Variants in MGLL observed in about 807,000 individuals in gnomAD.
MGLL encodes the protein monoglyceride lipase.
Under a neutral mutation model 29.1 loss-of-function variants are expected in MGLL, and 7 were observed. The ratio of observed to expected loss-of-function variants is 0.24; its 90% CI spans 0.14 to 0.45. MGLL has a LOEUF of 0.45. Ranked by LOEUF, MGLL falls within the 20% of genes least tolerant of loss-of-function variation. MGLL has a pLI of 0.99. For synonymous variants in MGLL, 148 were observed against 168.3 expected, an observed-to-expected ratio of 0.88 and a Z score of 0.93; for missense variants, 356 against 413.6, an observed-to-expected ratio of 0.86 and a Z score of 1.21.
chr3:127,757,945 C>T (rs148251684), intron 3 of MGLL, among the ~76,000 whole-genome samples: 53 of 152,318 alleles, frequency 3.5e-4, no homozygotes, highest in African/African-American at 1.1e-3. Flanking sequence ...CAAATCTGTA[C>T]GGGAGCTGCC....
At chr3:127,798,556 C>T (rs1271436192) in intron 2 of MGLL, among the ~76,000 whole-genome samples, 3 of 152,160 alleles carry the variant, frequency 2.0e-5, no homozygotes, top group Non-Finnish European at 4.4e-5. Context: ...TTGTTCTTTC[C>T]ATTCCCTCTG....
At position 127,748,293 on chromosome 3, in the gene MGLL, GGGTT is replaced by G. The variant is rs1227820460; in HGVS notation, c.263-25731_263-25728del. ...TTAAATCCGAGTCATTCTCAACTGA[GGGTT>G]ACGCATCGCAGTCTGTTGACATTGT... On this transcript the variant is annotated intron_variant, in intron 3 of 7. Transcript: ENST00000265052. Among the ~76,000 whole-genome samples, 7 of 152,130 alleles carry G rather than the reference GGGTT, an allele frequency of 4.6e-5. No individual in the cohort carries two copies. In the East Asian group the frequency reaches 1.4e-3, roughly 29 times the overall value.
intron 3 of MGLL, among the ~76,000 whole-genome samples, chr3:127,748,666 G>A (rs1489241558): frequency 2.0e-5 from 3 of 151,804 alleles, no homozygotes; most frequent in African/African-American, 7.3e-5. Flanking sequence ...CAAGGAGAGA[G>A]GCCTCAGAAG....
intron 2 of MGLL, among the ~76,000 whole-genome samples, chr3:127,819,947 G>T (rs1217999694): frequency 1.3e-5 from 2 of 152,148 alleles, no homozygotes; most frequent in Admixed American, 6.5e-5. Context: ...GGGGCTGGAG[G>T]CAGGGCAGGA....
At chr3:127,773,020 T>A (rs111413679) in intron 3 of MGLL, among the ~76,000 whole-genome samples, 4,221 of 152,288 alleles carry the variant, frequency 0.028, 198 homozygotes, top group African/African-American at 0.095. Context: ...GTCTAGAGTG[T>A]TCTGTTACAG....
chr3:127,812,718 G>A (rs2077685690), intron 2 of MGLL, among the ~76,000 whole-genome samples: 1 of 152,172 alleles, frequency 6.6e-6, no homozygotes, highest in Non-Finnish European at 1.5e-5. Flanking sequence ...GAGAGTTCAC[G>A]TTGACCCCTC....
At chr3:127,764,072 C>T (rs1000742658) in intron 3 of MGLL, among the ~76,000 whole-genome samples, 2 of 152,242 alleles carry the variant, frequency 1.3e-5, no homozygotes, top group South Asian at 2.1e-4. Context: ...ATCACATGGC[C>T]TCTCTGGGTG....
intron 2 of MGLL, among the ~76,000 whole-genome samples, chr3:127,817,629 C>G (rs1286795523): frequency 2.0e-5 from 3 of 152,204 alleles, no homozygotes; most frequent in Non-Finnish European, 4.4e-5. Context: ...ATAATTACAG[C>G]CTGCTCTCCA....
intron 2 of MGLL, among the ~76,000 whole-genome samples, chr3:127,810,568 G>C (rs1477396365): frequency 6.6e-6 from 1 of 152,170 alleles, no homozygotes; most frequent in Non-Finnish European, 1.5e-5. Context: ...GCCTTCACAA[G>C]ACAACATCCA....
chr3:127,765,359 G>A (rs966363183), intron 3 of MGLL, among the ~76,000 whole-genome samples: 3 of 152,188 alleles, frequency 2.0e-5, no homozygotes, highest in Admixed American at 1.3e-4. Context: ...GAATGACTAC[G>A]CCTTTGGGGT....
At chr3:127,705,730 C>T (rs1443409834) in intron 6 of MGLL, among the ~76,000 whole-genome samples, 2 of 149,832 alleles carry the variant, frequency 1.3e-5, no homozygotes, top group Non-Finnish European at 3.0e-5. Context: ...AAGCCAAGAT[C>T]GCGCCACTGC....
chr3:127,721,864 G>C (rs924381741), intron 4 of MGLL, among the ~76,000 whole-genome samples: 3 of 66,892 alleles, frequency 4.5e-5, no homozygotes, highest in African/African-American at 9.8e-5. Context: ...AGCCTGCTTT[G>C]TCTGTAGGTA....
chr3:127,806,272 G>A (rs1432214761), intron 2 of MGLL, among the ~76,000 whole-genome samples: 1 of 152,248 alleles, frequency 6.6e-6, no homozygotes, highest in Non-Finnish European at 1.5e-5. Context: ...TTGGAAGGCA[G>A]GGACCATGGG....
At chr3:127,703,216 C>T (rs1477756644) in intron 6 of MGLL, among the ~76,000 whole-genome samples, 1 of 152,170 alleles carries the variant, frequency 6.6e-6, no homozygotes, top group Non-Finnish European at 1.5e-5. Context: ...GCTCTGAACA[C>T]AGAAGTGCTC....
chr3:127,766,872 A>G (rs1463895935), intron 3 of MGLL, among the ~76,000 whole-genome samples: 1 of 152,154 alleles, frequency 6.6e-6, no homozygotes, highest in South Asian at 2.1e-4. Context: ...GGAGTTCAAG[A>G]CCAGCCTGGC....
intron 3 of MGLL, among the ~76,000 whole-genome samples, chr3:127,730,904 C>A (rs985831908): frequency 1.3e-5 from 2 of 152,224 alleles, no homozygotes; most frequent in African/African-American, 4.8e-5. Context: ...GTGCCCATGT[C>A]TGCCAGGGCC....
In MGLL at chr3:127,692,152, C is replaced by T. The variant is rs761079932; in HGVS notation, c.*46G>A. On this transcript the variant is annotated 3_prime_UTR_variant, in exon 8 of 8. Transcript: ENST00000265052. ...TCTGAGAAGCCATCTCTGCCCTTCC[C>T]CTGCCTGCATCCCCCAGACCATGAG... is the stretch of plus-strand genomic sequence containing the variant. 5.0e-6 allele frequency: 8 copies of T among 1,599,772 alleles called. No individual in the cohort carries two copies. In the South Asian group the frequency reaches 8.8e-5, roughly 18 times the overall value.
chr3:127,813,358 A>G (rs1424565521), intron 2 of MGLL, among the ~76,000 whole-genome samples: 1 of 152,074 alleles, frequency 6.6e-6, no homozygotes, highest in Non-Finnish European at 1.5e-5. Flanking sequence ...TCTGAGGTCC[A>G]TCTGCACTTA....
Position 127,782,817 on chromosome 3 carries a change from C to A in MGLL, c.156-922G>T, listed in dbSNP as rs528034726. ...TTACTATGCACCCGTTCCTCTGCAA[C>A]TCCACATGCAAGATTTCTAACTCTC... On this transcript the variant is annotated intron_variant, in intron 2 of 7. Coordinates refer to ENST00000265052, the MANE Select transcript of MGLL (RefSeq NM_007283.7). 2.0e-5 allele frequency among the ~76,000 whole-genome samples: 3 copies of A among 152,284 alleles called. No individual in the cohort carries two copies. The South Asian group carries it at 6.2e-4, about 32-fold the overall frequency.
Sources: allele counts gnomAD v4.1 joint callset (sites outside exome capture counted in the v4.1 genomes callset), GRCh38; gene constraint gnomAD v4.1.1; transcripts MANE v1.5; gene names NCBI Gene and HGNC (gene_info 2026-07-23, HGNC 2026-07-21).